Variants in DIS3L2 observed in about 807,000 individuals in gnomAD.
DIS3L2 encodes DIS3 like 3'-5' exoribonuclease 2.
In DIS3L2, 34 loss-of-function variants were observed where a neutral mutation model predicts 97.5. That is an observed-to-expected ratio of 0.35 (90% confidence interval 0.27 to 0.46). The LOEUF (loss-of-function observed/expected upper bound fraction) is 0.46. DIS3L2 is among the 20% of genes least tolerant of loss of function. The pLI is 1.00. For missense variants in DIS3L2, 1,038 were observed against 1,146.0 expected (o/e 0.91, Z 1.36); for synonymous variants, 435 against 445.2 (o/e 0.98, Z 0.29).
At chr2:232,329,785 T>TGCCGGGGGGGGCCAC in intron 14 of DIS3L2, 28 bp from the exon 15 acceptor site, 1 of 967,144 alleles carries the variant, frequency 1.0e-6, no homozygotes, top group Non-Finnish European at 1.5e-6. Flanking sequence ...ACCCCAGCGG[T>TGCCGGGGGGGGCCAC]CCCTCCCATC....
intron 12 of DIS3L2, among the ~76,000 whole-genome samples, chr2:232,257,239 G>A (rs949104867): frequency 6.6e-6 from 1 of 152,162 alleles, no homozygotes; most frequent in Non-Finnish European, 1.5e-5. Context: ...GGGGCTTGTG[G>A]AGTAGCCTCT....
At chr2:231,986,615 T>C (rs1181208650) in intron 1 of DIS3L2, among the ~76,000 whole-genome samples, 1 of 152,194 alleles carries the variant, frequency 6.6e-6, no homozygotes, top group African/African-American at 2.4e-5. Flanking sequence ...GAACTTTACA[T>C]GTATTGTCTC....
At chr2:231,998,384 C>T (rs915417622) in intron 1 of DIS3L2, among the ~76,000 whole-genome samples, 1 of 152,178 alleles carries the variant, frequency 6.6e-6, no homozygotes, top group Admixed American at 6.5e-5. Context: ...GGCCAAATTC[C>T]TTCTTAATGA....
At chr2:232,156,100 ATCTG>A (rs1257116537) in intron 8 of DIS3L2, among the ~76,000 whole-genome samples, 1 of 151,878 alleles carries the variant, frequency 6.6e-6, no homozygotes, top group East Asian at 1.9e-4. Flanking sequence ...TGCCTTTCAC[ATCTG>A]TCTGTTTTCT....
intron 1 of DIS3L2, among the ~76,000 whole-genome samples, chr2:231,983,899 AAAAAG>A (rs1378900722): frequency 6.6e-5 from 10 of 151,940 alleles, no homozygotes; most frequent in Non-Finnish European, 1.2e-4. Flanking sequence ...AAAAAAAAAA[AAAAAG>A]AAAAGAATTA....
chr2:232,147,479 T>C (rs1372195396), intron 8 of DIS3L2, among the ~76,000 whole-genome samples: 1 of 152,216 alleles, frequency 6.6e-6, no homozygotes, highest in Non-Finnish European at 1.5e-5. Flanking sequence ...CAGGATCTCA[T>C]ATTACATTTA....
intron 6 of DIS3L2, among the ~76,000 whole-genome samples, chr2:232,089,064 C>G (rs1314077478): frequency 6.6e-6 from 1 of 152,114 alleles, no homozygotes; most frequent in Non-Finnish European, 1.5e-5. Context: ...GAGCATATGT[C>G]CCCCCAGCGT....
At chr2:232,218,594 G>A (rs1193407709) in intron 10 of DIS3L2, among the ~76,000 whole-genome samples, 2 of 152,182 alleles carry the variant, frequency 1.3e-5, no homozygotes, top group Non-Finnish European at 2.9e-5. Context: ...AGGGGCAGCA[G>A]GACAAGGGTC....
chr2:232,144,473 AT>A (rs1690159672), intron 8 of DIS3L2, among the ~76,000 whole-genome samples: 1 of 151,970 alleles, frequency 6.6e-6, no homozygotes, highest in African/African-American at 2.4e-5. Flanking sequence ...GTTTTTACCC[AT>A]TTTTTTAACA....
intron 20 of DIS3L2, chr2:232,336,208 C>G: frequency 6.5e-7 from 1 of 1,536,294 alleles, no homozygotes; most frequent in Non-Finnish European, 8.8e-7. Flanking sequence ...CCGTTTTCAC[C>G]AACAGTGTGC....
chr2:232,036,410 G>A (rs746438855), intron 5 of DIS3L2, among the ~76,000 whole-genome samples: 7 of 152,128 alleles, frequency 4.6e-5, no homozygotes, highest in Admixed American at 6.5e-5. Flanking sequence ...ATTCTAGTGA[G>A]CAATTCCTCT....
intron 10 of DIS3L2, among the ~76,000 whole-genome samples, chr2:232,211,398 A>G (rs757003688): frequency 4.6e-5 from 7 of 152,134 alleles, no homozygotes; most frequent in Non-Finnish European, 1.0e-4. Flanking sequence ...CATCCACCTC[A>G]GCTTCCCAAA....
intron 6 of DIS3L2, among the ~76,000 whole-genome samples, chr2:232,106,882 AG>A (rs1177733422): frequency 6.6e-6 from 1 of 152,250 alleles, no homozygotes; most frequent in Non-Finnish European, 1.5e-5. Flanking sequence ...CAAATGCAAA[AG>A]AACTGAAATC....
At chr2:232,330,085 TC>T in intron 15 of DIS3L2, 89 bp downstream of exon 15, 5 of 1,452,076 alleles carry the variant, frequency 3.4e-6, no homozygotes, top group Non-Finnish European at 4.6e-6. Flanking sequence ...GGCCTCTGCT[TC>T]CCCCCAGAGT....
Position 232,235,368 on chromosome 2 carries a change from G to A in DIS3L2, c.1205-3165G>A, listed in dbSNP as rs574601275. Among the ~76,000 whole-genome samples the A allele has an allele frequency of 1.2e-4, 18 of 152,248 alleles. No homozygotes were observed. The South Asian group carries it at 3.5e-3, about 30-fold the overall frequency. ...TCTTTCATAGAATAAAAAGTTCAGT[G>A]CCACCACCTCAAGAGTTCTGCAAGT... On this transcript the variant is annotated intron_variant, in intron 10 of 20. Transcript: ENST00000325385.
At chr2:232,049,162 T>C (rs866836411) in intron 5 of DIS3L2, among the ~76,000 whole-genome samples, 14 of 152,198 alleles carry the variant, frequency 9.2e-5, no homozygotes, top group South Asian at 2.1e-4. Flanking sequence ...CCCTATGTTA[T>C]AGGACATTTT....
In DIS3L2 at chr2:232,130,764, C is replaced by G. The variant is rs79182410; in HGVS notation, c.702+45C>G. On this transcript the variant is annotated intron_variant, in intron 7 of 20. Transcript: ENST00000325385. ...CTCCACGTGTCCAAATGGCTTTCAC[C>G]TGAGCTACTTGTTGAAGATCTCGTG... is the stretch of plus-strand genomic sequence containing the variant. The G allele has an allele frequency of 5.6e-4, 898 of 1,607,104 alleles. 2 individuals carry two copies. In the African/African-American group the frequency reaches 9.9e-3, roughly 18 times the overall value.
chr2:232,173,887 T>G (rs919079317), intron 9 of DIS3L2, among the ~76,000 whole-genome samples: 1 of 152,334 alleles, frequency 6.6e-6, no homozygotes, highest in South Asian at 2.1e-4. Flanking sequence ...CTTCCAACTT[T>G]GCTTTTTTTT....
At chr2:232,109,500 G>A (rs1364488832) in intron 6 of DIS3L2, among the ~76,000 whole-genome samples, 1 of 151,990 alleles carries the variant, frequency 6.6e-6, no homozygotes, top group Admixed American at 6.6e-5. Flanking sequence ...CAGTGATTCA[G>A]TAACCAAAAC....
Sources: allele counts gnomAD v4.1 joint callset (sites outside exome capture counted in the v4.1 genomes callset), GRCh38; gene constraint gnomAD v4.1.1; transcripts MANE v1.5; gene names NCBI Gene and HGNC (gene_info 2026-07-23, HGNC 2026-07-21).